Variants in PIK3CA observed in about 807,000 individuals in gnomAD.
The protein encoded by PIK3CA is phosphatidylinositol-4,5-bisphosphate 3-kinase catalytic subunit alpha.
In PIK3CA, 27 loss-of-function variants were observed where a neutral mutation model predicts 138.2. The observed-to-expected ratio is 0.20, with a 90% CI of 0.14 to 0.27. PIK3CA has a LOEUF of 0.27. Among genes scored for constraint, PIK3CA ranks in the 10% least tolerant of loss-of-function variants. The pLI is 1.00. For synonymous variants in PIK3CA, 358 were observed against 413.2 expected, an observed-to-expected ratio of 0.87 and a Z score of 1.62; for missense variants, 544 against 1,277.4, an observed-to-expected ratio of 0.43 and a Z score of 8.75.
chr3:179,159,150 T>C (rs1423713968), intron 1 of PIK3CA, among the ~76,000 whole-genome samples: 1 of 152,202 alleles, frequency 6.6e-6, no homozygotes, highest in Non-Finnish European at 1.5e-5. Flanking sequence ...TGTTGTGTGC[T>C]TTTAAAGAAT....
intron 1 of PIK3CA, among the ~76,000 whole-genome samples, chr3:179,167,968 A>T (rs1291302576): frequency 1.3e-5 from 2 of 152,038 alleles, no homozygotes; most frequent in Non-Finnish European, 2.9e-5. Flanking sequence ...GTTGCTTCAA[A>T]CCTGTTGTAT....
chr3:179,209,832 T>A, intron 7 of PIK3CA, 132 bp downstream of exon 7: 1 of 466,902 alleles, frequency 2.1e-6, no homozygotes, highest in Non-Finnish European at 3.7e-6. Flanking sequence ...TTTAAAATTT[T>A]AATAAATGTA....
At chr3:179,155,364 T>G (rs999283846) in intron 1 of PIK3CA, among the ~76,000 whole-genome samples, 4 of 152,240 alleles carry the variant, frequency 2.6e-5, no homozygotes, top group Non-Finnish European at 4.4e-5. Context: ...CCATACGCTT[T>G]ATCTGAAAAG....
chr3:179,170,504 T>C (rs1161559033), intron 1 of PIK3CA, among the ~76,000 whole-genome samples: 2 of 152,244 alleles, frequency 1.3e-5, no homozygotes, highest in African/African-American at 4.8e-5. Context: ...ATTTTAAATA[T>C]CTTCTGAACC....
rs749840319 is a variant in PIK3CA at position 179,224,714 on chromosome 3, G to A, written c.2309G>A (p.Arg770Gln). Residue 770 changes from arginine (R) to glutamine (Q), a missense_variant, in exon 16 of 21, where the codon CGA becomes CAA. Physicochemically the swap from Arg to Gln is conservative, Grantham distance 43. Transcript: ENST00000263967. ...QLGNLRLEEC[R>Q]IMSSAKRPLW... ...CTATTTTAAAGGCTTGAAGAGTGTC[G>A]AATTATGTCCTCTGCAAAAAGGCCA... The A allele has an allele frequency of 1.1e-5, 17 of 1,604,876 alleles. No homozygotes were observed. Among genetic ancestry groups the A allele is most frequent in the South Asian group, 2.2e-5 (2 of 90,162 alleles).
intron 17 of PIK3CA, among the ~76,000 whole-genome samples, chr3:179,227,629 T>C (rs1479012340): frequency 9.2e-5 from 14 of 152,028 alleles, no homozygotes; most frequent in Admixed American, 9.2e-4. Context: ...GTGTAGAAGC[T>C]AGGCTACAAG....
chr3:179,182,313 T>G (rs1723867880), intron 1 of PIK3CA, among the ~76,000 whole-genome samples: 1 of 152,202 alleles, frequency 6.6e-6, no homozygotes, highest in African/African-American at 2.4e-5. Flanking sequence ...GTAAGTAATT[T>G]ATTGTTTAAC....
chr3:179,191,330 T>C (rs756872492), intron 1 of PIK3CA, among the ~76,000 whole-genome samples: 2 of 152,230 alleles, frequency 1.3e-5, no homozygotes, highest in South Asian at 4.1e-4. Flanking sequence ...CTGTTGGCTC[T>C]ATCCAAAAAT....
rs3729686 is a variant in PIK3CA, at chr3:179,218,169, A to G, written c.1540-41A>G. The stretch of plus-strand genomic sequence containing the variant: ...ATCTGTGAATCCAGAGGGGAAAAAT[A>G]TGACAAAGAAAGCTATATAAGATAT... On this transcript the variant is annotated intron_variant, in intron 9 of 20. Transcript: ENST00000263967. 5.0e-4 allele frequency: 717 copies of G among 1,421,504 alleles called. 7 individuals are homozygous for G. The East Asian group carries it at 0.017, about 34-fold the overall frequency. The allele number at this position is 1,421,504 out of a possible 1,614,324, so 88.1% of individuals were successfully genotyped here.
At chr3:179,162,239 AGAT>A (rs1420132318) in intron 1 of PIK3CA, among the ~76,000 whole-genome samples, 1 of 152,156 alleles carries the variant, frequency 6.6e-6, no homozygotes, top group Non-Finnish European at 1.5e-5. Flanking sequence ...ACACATGCAC[AGAT>A]GATAGTTTGT....
intron 20 of PIK3CA, 94 bp from the exon 21 acceptor site, chr3:179,234,000 G>T (rs1054296158): frequency 1.2e-6 from 1 of 826,648 alleles, no homozygotes; most frequent in South Asian, 2.0e-5. Context: ...CTTTGTCTAC[G>T]AAAGCCTCTC....
At chr3:179,209,420 C>T (rs1372168159) in intron 6 of PIK3CA, among the ~76,000 whole-genome samples, 175 bp from the exon 7 acceptor site, 1 of 152,084 alleles carries the variant, frequency 6.6e-6, no homozygotes, top group Non-Finnish European at 1.5e-5. Flanking sequence ...AATAATGACT[C>T]CCTTTTCATG....
At chr3:179,185,226 GAGA>G (rs1048355791) in intron 1 of PIK3CA, among the ~76,000 whole-genome samples, 40 of 152,328 alleles carry the variant, frequency 2.6e-4, no homozygotes, top group African/African-American at 9.6e-4. Flanking sequence ...CTTCAGGGGG[GAGA>G]AGTTCTAATC....
At chr3:179,178,945 C>T (rs919630019) in intron 1 of PIK3CA, among the ~76,000 whole-genome samples, 2 of 152,170 alleles carry the variant, frequency 1.3e-5, no homozygotes, top group East Asian at 1.9e-4. Context: ...CTCTGCTCAG[C>T]GCACACCCAA....
At chr3:179,229,750 GA>G (rs549369729) in intron 18 of PIK3CA, among the ~76,000 whole-genome samples, 2 of 151,966 alleles carry the variant, frequency 1.3e-5, no homozygotes, top group South Asian at 2.1e-4. Flanking sequence ...AAAATGATTA[GA>G]AAAAAATAAT....
Position 179,229,314 on chromosome 3 carries a change from A to G in PIK3CA, c.2538A>G (p.Gly846=). The G allele has an allele frequency of 6.2e-7, 1 of 1,613,184 alleles. No homozygotes were observed. The highest frequency in any genetic ancestry group is 8.5e-7 in the Non-Finnish European group (1 of 1,179,462). The part of the protein sequence containing the change: ...YGCLSIGDCV[G]LIEVVRNSHT... ...GTCTGTCAATCGGTGACTGTGTGGG[A>G]CTTATTGAGGTGGTGCGAAATTCTC... The change falls in exon 18 of 21, where the codon GGA becomes GGG. Residue 846 remains glycine (G), a synonymous_variant. Coordinates refer to ENST00000263967, the MANE Select transcript of PIK3CA (RefSeq NM_006218.4).
chr3:179,209,521 T>G, intron 6 of PIK3CA, 74 bp from the exon 7 acceptor site: 1 of 783,812 alleles, frequency 1.3e-6, no homozygotes, highest in Non-Finnish European at 2.0e-6. Context: ...GTCTTCGTGA[T>G]TTGTAGGAGT....
chr3:179,163,812 G>A (rs1284611528), intron 1 of PIK3CA, among the ~76,000 whole-genome samples: 1 of 151,678 alleles, frequency 6.6e-6, no homozygotes, highest in East Asian at 1.9e-4. Flanking sequence ...TTTTGAGTTA[G>A]CAGAAGTATT....
rs1724889882 is a variant in PIK3CA, at chr3:179,218,347, A to G, written c.1664+13A>G. ...TATGGAGTCACAGGTAAGTGCTAAA[A>G]TGGAGATTCTCTGTTTCTTTTTCTT... On this transcript the variant is annotated intron_variant, in intron 10 of 20. Transcript: ENST00000263967. 1 of 1,593,260 alleles carries G rather than the reference A, an allele frequency of 6.3e-7. No homozygotes were observed. The highest frequency in any genetic ancestry group is 2.2e-5 in the East Asian group (1 of 44,454).
Sources: allele counts gnomAD v4.1 joint callset (sites outside exome capture counted in the v4.1 genomes callset), GRCh38; gene constraint gnomAD v4.1.1; transcripts MANE v1.5; gene names NCBI Gene and HGNC (gene_info 2026-07-23, HGNC 2026-07-21).